Variants in ZFYVE21 observed in about 807,000 individuals in gnomAD.
ZFYVE21 encodes the protein zinc finger FYVE domain-containing protein 21.
In ZFYVE21, 21 loss-of-function variants were observed where a neutral mutation model predicts 29.5. That is an observed-to-expected ratio of 0.71 (90% CI 0.50 to 1.02). ZFYVE21 has a LOEUF of 1.02. ZFYVE21 is among the 50% of genes least tolerant of loss of function. The pLI, the probability that ZFYVE21 is intolerant of heterozygous loss-of-function variation, is 0.00. For synonymous variants in ZFYVE21, 151 were observed against 133.8 expected, an observed-to-expected ratio of 1.13 and a Z score of -0.89; for missense variants, 326 against 335.4, an observed-to-expected ratio of 0.97 and a Z score of 0.22.
At chr14:103,720,513 G>T (rs1267547625) in intron 1 of ZFYVE21, among the ~76,000 whole-genome samples, 4 of 152,242 alleles carry the variant, frequency 2.6e-5, no homozygotes, top group African/African-American at 9.6e-5. Context: ...AGCCTCAAAG[G>T]GAGGGCAGGC....
intron 2 of ZFYVE21, chr14:103,727,130 G>A (rs1567070749): frequency 7.8e-6 from 3 of 386,628 alleles, no homozygotes; most frequent in African/African-American, 2.1e-5. Context: ...ATTTTTAGTA[G>A]AGATGGGGTT....
intron 1 of ZFYVE21, chr14:103,725,104 C>T (rs778845342): frequency 3.3e-5 from 5 of 152,274 alleles, no homozygotes; most frequent in Non-Finnish European, 5.9e-5. Context: ...AATGTCTTCC[C>T]CTTGGACTGA....
Position 103,716,130 on chromosome 14 carries a change from G to C in ZFYVE21, c.138+151G>C. ...GCCCCCGCTCTCTCCCAGGTTGGCC[G>C]CGTCCCCGGGCCGCCGCCTCAGGCT... is the stretch of plus-strand genomic sequence containing the variant. On this transcript the variant is annotated intron_variant, in intron 1 of 6. Transcript: ENST00000311141. The surrounding 1 kb of genome is among the most constrained non-coding windows in gnomAD (Gnocchi z 4.8). The C allele has an allele frequency of 2.5e-6, 2 of 790,904 alleles. No individual in the cohort carries two copies. Among genetic ancestry groups the C allele is most frequent in the Non-Finnish European group, 3.2e-6 (2 of 620,874 alleles). 49.0% of individuals were successfully genotyped at this position (790,904 alleles called of 1,614,324 possible).
chr14:103,732,433 T>C (rs2151953917), intron 5 of ZFYVE21, 187 bp from the exon 6 acceptor site: 1 of 596,900 alleles, frequency 1.7e-6, no homozygotes, highest in Non-Finnish European at 2.6e-6. Context: ...ACCTGTGAGC[T>C]TGGGGTCTCC....
chr14:103,727,742 C>T lies in ZFYVE21; in HGVS notation c.190-4C>T. 6.2e-7 allele frequency: 1 copy of T among 1,605,772 alleles called. No individual in the cohort carries two copies. Among genetic ancestry groups the T allele is most frequent in the Non-Finnish European group, 8.5e-7 (1 of 1,179,382 alleles). Reference sequence around the variant, plus strand: ...TCACTGCCAATCCTCCCGCATCTGCCCAGCACCACTGTCGCCGCTGCGGGA... The same window carrying T: ...TCACTGCCAATCCTCCCGCATCTGCTCAGCACCACTGTCGCCGCTGCGGGA... On this transcript the variant is annotated splice_polypyrimidine_tract_variant and splice_region_variant and intron_variant, in intron 2 of 6. Coordinates refer to ENST00000311141, the MANE Select transcript of ZFYVE21 (RefSeq NM_024071.4).
At chr14:103,728,400 G>A (rs974751739) in intron 3 of ZFYVE21, among the ~76,000 whole-genome samples, 1 of 152,078 alleles carries the variant, frequency 6.6e-6, no homozygotes, top group Non-Finnish European at 1.5e-5. Flanking sequence ...CCCACTGTCC[G>A]TCCACCTCTG....
At chr14:103,727,135 G>C in intron 2 of ZFYVE21, 1 of 377,606 alleles carries the variant, frequency 2.6e-6, no homozygotes, top group South Asian at 2.4e-5. Context: ...TAGTAGAGAT[G>C]GGGTTTCACC....
At chr14:103,724,318 T>C (rs1306854571) in intron 1 of ZFYVE21, among the ~76,000 whole-genome samples, 1 of 152,234 alleles carries the variant, frequency 6.6e-6, no homozygotes, top group South Asian at 2.1e-4. Flanking sequence ...AACGGTGCCA[T>C]GCGTGTGGGA....
intron 1 of ZFYVE21, among the ~76,000 whole-genome samples, chr14:103,722,037 C>T (rs1008618621): frequency 3.3e-5 from 5 of 152,282 alleles, no homozygotes; most frequent in Admixed American, 1.3e-4. Context: ...ATCAGAGCTG[C>T]GGGGTCCAGT....
At chr14:103,721,633 G>T (rs2083873512) in intron 1 of ZFYVE21, among the ~76,000 whole-genome samples, 2 of 152,342 alleles carry the variant, frequency 1.3e-5, no homozygotes, top group South Asian at 4.1e-4. Context: ...GGGCAAGAGG[G>T]TCAGGCAGCA....
intron 1 of ZFYVE21, chr14:103,726,255 C>G (rs2083923075): frequency 1.3e-5 from 2 of 152,668 alleles, no homozygotes; most frequent in Admixed American, 1.3e-4. Context: ...CTTTATGTCT[C>G]AGATACCTGG....
rs1595691807 is a variant in ZFYVE21, at chr14:103,727,825, T to G, written c.269T>G (p.Val90Gly). The change falls in exon 3 of 7, where the codon GTG (valine) becomes GGG (glycine). Residue 90 changes from valine (V) to glycine (G), a missense_variant. By Grantham distance (109) the Val-to-Gly change is moderately radical. Transcript: ENST00000311141. ...QKVPLRRMCFVDPVRQCAECA... is the reference protein window; with the variant it reads ...QKVPLRRMCFGDPVRQCAECA... ...GTGCCGCTGCGGCGCATGTGCTTTG[T>G]GGACCCCGTGCGGCAGTGCGCGGAG... The G allele has an allele frequency of 6.2e-7, 1 of 1,613,176 alleles. No homozygotes were observed. The highest frequency in any genetic ancestry group is 8.5e-7 in the Non-Finnish European group (1 of 1,179,916).
chr14:103,719,813 C>T (rs1285086595), intron 1 of ZFYVE21, among the ~76,000 whole-genome samples: 1 of 151,850 alleles, frequency 6.6e-6, no homozygotes, highest in Non-Finnish European at 1.5e-5. Context: ...GTCCCTGTGG[C>T]TGGCTAAGAG....
At chr14:103,728,577 C>A (rs1477305057) in intron 3 of ZFYVE21, among the ~76,000 whole-genome samples, 1 of 152,184 alleles carries the variant, frequency 6.6e-6, no homozygotes, top group South Asian at 2.1e-4. Flanking sequence ...CCTGCCAGCT[C>A]TTAGGACGTG....
chr14:103,728,354 C>T (rs1157600851), intron 3 of ZFYVE21, among the ~76,000 whole-genome samples: 2 of 152,174 alleles, frequency 1.3e-5, no homozygotes, highest in Non-Finnish European at 2.9e-5. Context: ...ATAGGGTGTG[C>T]CTCCCTGGAA....
At chr14:103,717,920 G>A (rs980360240) in intron 1 of ZFYVE21, among the ~76,000 whole-genome samples, 1 of 152,246 alleles carries the variant, frequency 6.6e-6, no homozygotes, top group African/African-American at 2.4e-5. Context: ...TTAGAACGGG[G>A]CAGTAAGGGC....
rs766629582 is a variant in ZFYVE21 at position 103,727,661 on chromosome 14, G to A, written c.190-85G>A. The A allele has an allele frequency of 5.8e-6, 9 of 1,559,162 alleles. No homozygotes were observed. The South Asian group carries it at 9.0e-5, about 16-fold the overall frequency. ...GGGGCCTCGCGTTTAGGCGTGGCCC[G>A]GGGAGTGCCAGGCCAGCCGGGGCCA... On this transcript the variant is annotated intron_variant, in intron 2 of 6. Coordinates refer to ENST00000311141, the MANE Select transcript of ZFYVE21 (RefSeq NM_024071.4).
Position 103,733,318 on chromosome 14 carries a change from A to G in ZFYVE21, c.*300A>G. On this transcript the variant is annotated 3_prime_UTR_variant, in exon 7 of 7. Transcript: ENST00000311141. ...TTTTAGCATAATATATACCATTTTT[A>G]TGAGTTCGCAGGTCTACTAGAAGGT... is the stretch of plus-strand genomic sequence containing the variant. 6.1e-6 allele frequency: 2 copies of G among 330,178 alleles called. No individual in the cohort carries two copies. Among genetic ancestry groups the G allele is most frequent in the Non-Finnish European group, 1.1e-5 (2 of 176,960 alleles). The allele number at this position is 330,178 out of a possible 1,614,324, so 20.5% of individuals were successfully genotyped here.
Position 103,732,894 on chromosome 14 carries a change from C to T in ZFYVE21, c.670-89C>T, listed in dbSNP as rs564212731. The T allele has an allele frequency of 1.7e-4, 267 of 1,605,130 alleles. 3 individuals are homozygous for T. The East Asian group carries it at 4.7e-3, about 28-fold the overall frequency. On this transcript the variant is annotated intron_variant, in intron 6 of 6. Transcript: ENST00000311141. ...TGTTCCCCCTCAGCTGGGGTGCCCA[C>T]GCCATCTCCCCTGAAATGCACACAG...
Sources: gnomAD v4.1 joint callset for allele counts (sites outside exome capture counted in the v4.1 genomes callset) on GRCh38, gnomAD v4.1.1 for gene constraint, Gnocchi (gnomAD v3.1) non-coding constraint, MANE v1.5 for transcripts, NCBI Gene and HGNC (gene_info 2026-07-23, HGNC 2026-07-21) for gene names.